Variants in GALNT13 observed in about 807,000 individuals in gnomAD.
GALNT13 encodes the protein UDP-GalNAc:polypeptide N-acetylgalactosaminyltransferase 13.
A neutral mutation model predicts 64.2 loss-of-function variants in GALNT13; 28 were observed. That is an observed-to-expected ratio of 0.44 (90% CI 0.32 to 0.60). The LOEUF (loss-of-function observed/expected upper bound fraction) is 0.60. Ranked by LOEUF, GALNT13 falls within the 20% of genes least tolerant of loss-of-function variation. The pLI, the probability that GALNT13 is intolerant of heterozygous loss-of-function variation, is 0.05. For missense variants in GALNT13, 577 were observed against 669.8 expected (o/e 0.86, Z 1.53); for synonymous variants, 214 against 224.6 (o/e 0.95, Z 0.42).
the GALNT13 span, among the ~76,000 whole-genome samples, chr2:153,098,736 C>T: frequency 2.6e-5 from 4 of 152,004 alleles, no homozygotes; most frequent in African/African-American, 9.7e-5. Context: ...TTTTAAATAT[C>T]CTGAACATGT....
At chr2:153,785,065 C>A in the GALNT13 span, among the ~76,000 whole-genome samples, 1 of 152,098 alleles carries the variant, frequency 6.6e-6, no homozygotes, top group Non-Finnish European at 1.5e-5. Flanking sequence ...TTCCAGCCAG[C>A]AGCAGTTCCA....
Position 153,950,928 on chromosome 2 carries a change from T to C in GALNT13, c.142+6289T>C, listed in dbSNP as rs567637129. On this transcript the variant is annotated intron_variant, in intron 3 of 12. Coordinates refer to ENST00000392825, the MANE Select transcript of GALNT13 (RefSeq NM_052917.4). The stretch of plus-strand genomic sequence containing the variant: ...GTACCCCGAATCTAAAATAAAATTA[T>C]AAGAAAGAAAAAAGTTGTATCCTTC... Among the ~76,000 whole-genome samples, 56 of 152,054 alleles carry C rather than the reference T, an allele frequency of 3.7e-4. No homozygotes were observed. In the South Asian group the frequency reaches 0.011, roughly 31 times the overall value.
the GALNT13 span, among the ~76,000 whole-genome samples, chr2:153,733,913 C>T: frequency 6.6e-6 from 1 of 152,202 alleles, no homozygotes; most frequent in Non-Finnish European, 1.5e-5. Context: ...CAACAGTGTT[C>T]TTTCAGATTG....
chr2:154,311,986 A>T (rs572020506), intron 9 of GALNT13, among the ~76,000 whole-genome samples: 1 of 152,272 alleles, frequency 6.6e-6, no homozygotes, highest in African/African-American at 2.4e-5. Context: ...CCCACATTTC[A>T]TATTGCTCAA....
chr2:153,618,920 T>A, the GALNT13 span, among the ~76,000 whole-genome samples: 2 of 151,996 alleles, frequency 1.3e-5, no homozygotes, highest in East Asian at 3.9e-4. Flanking sequence ...TCTTTATAGG[T>A]GAAGTGTGTT....
intron 3 of GALNT13, among the ~76,000 whole-genome samples, chr2:154,105,567 C>G (rs559052161): frequency 3.3e-5 from 5 of 152,124 alleles, no homozygotes; most frequent in African/African-American, 1.2e-4. Flanking sequence ...TGTAAGTACA[C>G]TCTATGATGT....
rs531138724 is a variant in GALNT13, at chr2:153,954,457, C to T, written c.142+9818C>T. On this transcript the variant is annotated intron_variant, in intron 3 of 12. Coordinates refer to ENST00000392825, the MANE Select transcript of GALNT13 (RefSeq NM_052917.4). ...TTAATAGGCCTTATAAAATTTTGAC[C>T]GCTGATATTTGCTTTGCTCTTTCAT... Among the ~76,000 whole-genome samples, 28 of 151,950 alleles carry T rather than the reference C, an allele frequency of 1.8e-4. No individual in the cohort carries two copies. In the East Asian group the frequency reaches 5.0e-3, roughly 27 times the overall value.
intron 3 of GALNT13, among the ~76,000 whole-genome samples, chr2:153,997,044 T>C (rs1695567259): frequency 1.3e-5 from 2 of 152,150 alleles, no homozygotes; most frequent in Admixed American, 1.3e-4. Flanking sequence ...TCTGTTTTTA[T>C]GTCAGTACCA....
At chr2:153,540,174 A>T in the GALNT13 span, among the ~76,000 whole-genome samples, 1 of 152,072 alleles carries the variant, frequency 6.6e-6, no homozygotes, top group Admixed American at 6.6e-5. Context: ...CAGCCTAGAG[A>T]CTTGGTGTCC....
intron 4 of GALNT13, among the ~76,000 whole-genome samples, chr2:154,149,536 G>A (rs1474880143): frequency 6.6e-6 from 1 of 151,982 alleles, no homozygotes; most frequent in South Asian, 2.1e-4. Context: ...CATTTTCATG[G>A]TATTGATTCT....
In GALNT13 at chr2:154,308,170, A is replaced by AT. The variant is rs145953550; in HGVS notation, c.1156+6587dup. On this transcript the variant is annotated intron_variant, in intron 9 of 12. Coordinates refer to ENST00000392825, the MANE Select transcript of GALNT13 (RefSeq NM_052917.4). ...TGTATGTGACTTGGAAAAATACATT[A>AT]TTTTTTCTTTGGCAATATTGTAGTT... 9.7e-3 allele frequency among the ~76,000 whole-genome samples: 1,477 copies of AT among 152,056 alleles called. 20 individuals are homozygous for AT. The highest frequency in any genetic ancestry group is 0.033 in the African/African-American group (1,352 of 41,480).
chr2:153,385,561 G>A, the GALNT13 span, among the ~76,000 whole-genome samples: 16 of 151,992 alleles, frequency 1.1e-4, 1 homozygote, highest in Non-Finnish European at 2.2e-4. Context: ...AGTGGGGTGG[G>A]GAGGTGGAGA....
At chr2:153,497,688 C>T in the GALNT13 span, among the ~76,000 whole-genome samples, 1 of 151,916 alleles carries the variant, frequency 6.6e-6, no homozygotes, top group Admixed American at 6.6e-5. Context: ...TAGGCGCCCA[C>T]CATCACGCCC....
chr2:153,815,523 T>TC, the GALNT13 span, among the ~76,000 whole-genome samples: 5 of 151,862 alleles, frequency 3.3e-5, no homozygotes, highest in African/African-American at 1.2e-4. Flanking sequence ...ATTTTTAATT[T>TC]CCCAAAGATT....
intron 4 of GALNT13, among the ~76,000 whole-genome samples, chr2:154,225,269 A>T (rs1427437656): frequency 1.3e-5 from 2 of 152,090 alleles, no homozygotes; most frequent in African/African-American, 4.8e-5. Flanking sequence ...CTTAATTTTT[A>T]AAAATGCAAG....
the GALNT13 span, among the ~76,000 whole-genome samples, chr2:153,400,287 G>T: frequency 6.6e-6 from 1 of 152,050 alleles, no homozygotes. Flanking sequence ...ACTTCATCAT[G>T]GTGGATAAGC....
the GALNT13 span, among the ~76,000 whole-genome samples, chr2:153,753,737 C>G: frequency 6.6e-6 from 1 of 152,192 alleles, no homozygotes; most frequent in Non-Finnish European, 1.5e-5. Flanking sequence ...TCACTCAAGG[C>G]CATGAGGCTC....
the GALNT13 span, among the ~76,000 whole-genome samples, chr2:153,498,444 C>G: frequency 1.4e-4 from 22 of 152,196 alleles, no homozygotes; most frequent in Non-Finnish European, 2.5e-4. Flanking sequence ...CGCAGAGCAG[C>G]TAGGGGTATG....
the GALNT13 span, among the ~76,000 whole-genome samples, chr2:153,702,128 C>T: frequency 1.3e-5 from 2 of 152,162 alleles, no homozygotes; most frequent in Non-Finnish European, 2.9e-5. Flanking sequence ...GGTACATATA[C>T]ACCATGGAAT....
Sources: gnomAD v4.1 joint callset for allele counts (sites outside exome capture counted in the v4.1 genomes callset) on GRCh38, gnomAD v4.1.1 for gene constraint, MANE v1.5 for transcripts, NCBI Gene and HGNC (gene_info 2026-07-23, HGNC 2026-07-21) for gene names.